STK32A: variants seen among roughly 807,000 people sequenced by gnomAD.
The protein encoded by STK32A is serine/threonine-protein kinase 32A.
STK32A carries 41 observed loss-of-function variants against 53.2 expected under a neutral mutation model. That is an observed-to-expected ratio of 0.77 (90% CI 0.60 to 1.00). STK32A has a LOEUF of 1.00. STK32A is among the 50% of genes least tolerant of loss of function. STK32A has a pLI of 0.00. For missense variants in STK32A, 458 were observed against 485.8 expected (o/e 0.94, Z 0.54); for synonymous variants, 166 against 162.8 (o/e 1.02, Z -0.15).
At chr5:147,401,583 G>C in the STK32A span, 11 of 1,613,818 alleles carry the variant, frequency 6.8e-6, no homozygotes, top group South Asian at 1.1e-4. Flanking sequence ...GTTGGGTCAG[G>C]GCTCAGGGGT....
At chr5:147,373,849 T>G (rs1304316568) in intron 10 of STK32A, among the ~76,000 whole-genome samples, 1 of 152,196 alleles carries the variant, frequency 6.6e-6, no homozygotes, top group Admixed American at 6.5e-5. Context: ...TACTGCATTA[T>G]GCTGGTAAGA....
intron 7 of STK32A, among the ~76,000 whole-genome samples, chr5:147,357,310 T>C (rs1010694987): frequency 1.3e-5 from 2 of 152,048 alleles, no homozygotes; most frequent in African/African-American, 4.8e-5. Context: ...TCAATATCTT[T>C]AATTGTCCCA....
At chr5:147,365,553 T>C (rs1251476375) in intron 8 of STK32A, among the ~76,000 whole-genome samples, 2 of 152,138 alleles carry the variant, frequency 1.3e-5, no homozygotes, top group African/African-American at 4.8e-5. Context: ...CTCATGATTA[T>C]ATAGGAAAAC....
intron 4 of STK32A, among the ~76,000 whole-genome samples, chr5:147,313,234 T>TA (rs1479022848): frequency 1.3e-5 from 2 of 151,840 alleles, no homozygotes; most frequent in Non-Finnish European, 1.5e-5. Flanking sequence ...GACTCCGTCT[T>TA]AAAAAACAAA....
chr5:147,285,967 A>G (rs982346363), intron 4 of STK32A, among the ~76,000 whole-genome samples: 2 of 152,160 alleles, frequency 1.3e-5, no homozygotes, highest in Non-Finnish European at 2.9e-5. Flanking sequence ...AAAATAAGTC[A>G]TTATTCAAAA....
At chr5:147,397,455 T>A in the STK32A span, among the ~76,000 whole-genome samples, 1 of 152,152 alleles carries the variant, frequency 6.6e-6, no homozygotes, top group Non-Finnish European at 1.5e-5. Flanking sequence ...GGAAAAGTCA[T>A]TTGGGAAAAA....
chr5:147,260,950 C>T (rs1205047638), intron 2 of STK32A, among the ~76,000 whole-genome samples: 1 of 152,220 alleles, frequency 6.6e-6, no homozygotes, highest in East Asian at 1.9e-4. Context: ...TTACCGGCTG[C>T]CGCGGCTTCT....
chr5:147,318,569 A>T (rs1754131142), intron 4 of STK32A, among the ~76,000 whole-genome samples: 1 of 151,718 alleles, frequency 6.6e-6, no homozygotes. Flanking sequence ...GTTTGAGACC[A>T]GCGTGGACAA....
chr5:147,284,704 C>CAAGAAAA (rs746647540), intron 4 of STK32A, among the ~76,000 whole-genome samples: 1 of 78,008 alleles, frequency 1.3e-5, no homozygotes, highest in African/African-American at 3.6e-5. Flanking sequence ...AACAAAAAAA[C>CAAGAAAA]AACAAAAAAA....
intron 1 of STK32A, among the ~76,000 whole-genome samples, chr5:147,236,247 G>A (rs1311052526): frequency 3.3e-5 from 5 of 152,076 alleles, no homozygotes; most frequent in East Asian, 1.9e-4. Flanking sequence ...TCTGATAATC[G>A]GCCAGGTCAG....
At chr5:147,372,700 A>G (rs192470613) in intron 9 of STK32A, among the ~76,000 whole-genome samples, 5 of 152,292 alleles carry the variant, frequency 3.3e-5, no homozygotes, top group Admixed American at 6.5e-5. Context: ...GCCGCCCCCA[A>G]TGTATTTTAA....
Position 147,279,275 on chromosome 5 carries a change from A to C in STK32A, c.137A>C (p.Lys46Thr). 3 of 1,613,914 alleles carry C rather than the reference A, an allele frequency of 1.9e-6. No homozygotes were observed. The highest frequency in any genetic ancestry group is 1.7e-6 in the Non-Finnish European group (2 of 1,179,852). Residue 46 changes from lysine to threonine, a missense_variant, in exon 4 of 13, where the codon AAG (lysine) becomes ACG (threonine). By Grantham distance (78) the Lys-to-Thr change is moderately conservative (BLOSUM62 -1). Transcript: ENST00000397936. ...TGCATTGTACAGAAGAATGATACCA[A>C]GAAGATGTACGCAATGAAGTACATG... ...KVCIVQKNDT[K>T]KMYAMKYMNK...
intron 5 of STK32A, among the ~76,000 whole-genome samples, chr5:147,326,777 G>A (rs949961350): frequency 1.3e-5 from 2 of 152,168 alleles, no homozygotes; most frequent in African/African-American, 4.8e-5. Flanking sequence ...GAGCTAAAGA[G>A]GATGCTATTA....
At chr5:147,349,416 T>A (rs1375603346) in intron 6 of STK32A, among the ~76,000 whole-genome samples, 1 of 152,152 alleles carries the variant, frequency 6.6e-6, no homozygotes, top group Non-Finnish European at 1.5e-5. Context: ...CTGTATCTCA[T>A]CAAAACCACA....
At chr5:147,298,163 G>A (rs1752957107) in intron 4 of STK32A, among the ~76,000 whole-genome samples, 1 of 152,128 alleles carries the variant, frequency 6.6e-6, no homozygotes, top group African/African-American at 2.4e-5. Flanking sequence ...ATGGATGGGA[G>A]CTGAGGGAAT....
chr5:147,334,574 C>G (rs1755025150), intron 5 of STK32A, among the ~76,000 whole-genome samples: 1 of 152,108 alleles, frequency 6.6e-6, no homozygotes, highest in Non-Finnish European at 1.5e-5. Context: ...GTGGTCCCAT[C>G]TATGAAATAG....
At chr5:147,327,094 G>A (rs1288161791) in intron 5 of STK32A, among the ~76,000 whole-genome samples, 2 of 152,104 alleles carry the variant, frequency 1.3e-5, no homozygotes, top group South Asian at 2.1e-4. Flanking sequence ...ATATCAATTT[G>A]AAATGGTGTC....
At chr5:147,298,624 C>A (rs906592869) in intron 4 of STK32A, among the ~76,000 whole-genome samples, 1 of 152,124 alleles carries the variant, frequency 6.6e-6, no homozygotes, top group African/African-American at 2.4e-5. Flanking sequence ...CAGAATCTGG[C>A]CAGTTTTAAA....
chr5:147,366,163 T>C (rs1756733685), intron 8 of STK32A, among the ~76,000 whole-genome samples: 1 of 152,146 alleles, frequency 6.6e-6, no homozygotes, highest in Non-Finnish European at 1.5e-5. Flanking sequence ...CGTTTCAGAT[T>C]TTGCTTCCAT....
Sources: gnomAD v4.1 joint callset for allele counts (sites outside exome capture counted in the v4.1 genomes callset) on GRCh38, gnomAD v4.1.1 for gene constraint, MANE v1.5 for transcripts, NCBI Gene and HGNC (gene_info 2026-07-23, HGNC 2026-07-21) for gene names.